SCYL2: variants seen among roughly 807,000 people sequenced by gnomAD.
SCYL2 encodes the protein SCY1 like pseudokinase 2.
A neutral mutation model predicts 100.4 loss-of-function variants in SCYL2; 36 were observed. The ratio of observed to expected loss-of-function variants is 0.36; its 90% CI spans 0.27 to 0.47. The LOEUF is 0.47. Among genes scored for constraint, SCYL2 ranks in the 20% least tolerant of loss-of-function variants. The pLI, the probability that SCYL2 is intolerant of heterozygous loss-of-function variation, is 1.00. For missense variants in SCYL2, 902 were observed against 1,083.9 expected (o/e 0.83, Z 2.36); for synonymous variants, 330 against 359.2 (o/e 0.92, Z 0.92).
At position 100,278,753 on chromosome 12, in the gene SCYL2, C is replaced by T. The variant is rs1012078281; in HGVS notation, c.-28-4190C>T. Among the ~76,000 whole-genome samples, 15 of 151,838 alleles carry T rather than the reference C, an allele frequency of 9.9e-5. No individual in the cohort carries two copies. The South Asian group carries it at 2.5e-3, about 25-fold the overall frequency. ...CAAGCAATTCTTCTGCCTCAGCCTC[C>T]TGAGTAGCTGGGACTACAGGCGCGT... is the stretch of plus-strand genomic sequence containing the variant. On this transcript the variant is annotated intron_variant, in intron 1 of 17. Transcript: ENST00000360820.
chr12:100,280,878 A>C (rs2096297307), intron 1 of SCYL2, among the ~76,000 whole-genome samples: 2 of 152,252 alleles, frequency 1.3e-5, no homozygotes, highest in South Asian at 4.1e-4. Flanking sequence ...ACTACTGATC[A>C]TTATGCTTAT....
At chr12:100,338,312 C>T (rs1211375668) in intron 17 of SCYL2, among the ~76,000 whole-genome samples, 1 of 151,994 alleles carries the variant, frequency 6.6e-6, no homozygotes, top group East Asian at 1.9e-4. Context: ...AGTTAGTGTT[C>T]CCTATCATCA....
At chr12:100,329,527 T>C (rs993898560) in intron 13 of SCYL2, among the ~76,000 whole-genome samples, 5 of 152,234 alleles carry the variant, frequency 3.3e-5, no homozygotes, top group African/African-American at 9.6e-5. Flanking sequence ...TTGAGAAATA[T>C]GTAGGATTTG....
At position 100,338,636 on chromosome 12, in the gene SCYL2, A is replaced by C. The variant is rs762337723; in HGVS notation, c.2254A>C (p.Met752Leu). 10 of 1,614,064 alleles carry C rather than the reference A, an allele frequency of 6.2e-6. No individual in the cohort carries two copies. The highest frequency in any genetic ancestry group is 8.5e-6 in the Non-Finnish European group (10 of 1,179,978). Residue 752 changes from methionine (M) to leucine (L), a missense_variant, in exon 18 of 18, where the codon ATG (methionine) becomes CTG (leucine). By Grantham distance (15) the Met-to-Leu change is conservative. Coordinates refer to ENST00000360820, the MANE Select transcript of SCYL2 (RefSeq NM_017988.6). ...AAGTACTTTCACTTCTGTTCCTTCC[A>C]TGGGCATTGGTATGATGTTTTCTAC... The part of the protein sequence containing the change: ...ASSTFTSVPS[M>L]GIGMMFSTPT...
At chr12:100,296,005 G>A (rs910371884) in intron 3 of SCYL2, among the ~76,000 whole-genome samples, 1 of 152,176 alleles carries the variant, frequency 6.6e-6, no homozygotes, top group African/African-American at 2.4e-5. Flanking sequence ...AATGAATGCT[G>A]CAGAATTACA....
intron 12 of SCYL2, 151 bp from the exon 13 acceptor site, chr12:100,329,050 C>T (rs1178641421): frequency 3.8e-6 from 2 of 524,534 alleles, no homozygotes; most frequent in East Asian, 5.8e-5. Context: ...CATTCTGATT[C>T]ATATGTAAGA....
chr12:100,319,845 C>A (rs1041500971), intron 10 of SCYL2, among the ~76,000 whole-genome samples: 2 of 152,202 alleles, frequency 1.3e-5, no homozygotes, highest in African/African-American at 4.8e-5. Context: ...CTAGAGAAAG[C>A]AAGAAATAAG....
At chr12:100,297,139 G>A (rs191458705) in intron 3 of SCYL2, among the ~76,000 whole-genome samples, 2 of 152,178 alleles carry the variant, frequency 1.3e-5, no homozygotes, top group African/African-American at 4.8e-5. Flanking sequence ...TTAGGGCTTG[G>A]GTGGCAAATG....
intron 6 of SCYL2, among the ~76,000 whole-genome samples, 168 bp from the exon 7 acceptor site, chr12:100,313,254 G>T (rs2096344362): frequency 6.6e-6 from 1 of 152,146 alleles, no homozygotes; most frequent in African/African-American, 2.4e-5. Flanking sequence ...ACAATTTTGG[G>T]TATTAAAGAT....
chr12:100,280,096 T>A (rs908463690), intron 1 of SCYL2, among the ~76,000 whole-genome samples: 2 of 152,212 alleles, frequency 1.3e-5, no homozygotes, highest in African/African-American at 4.8e-5. Context: ...TTCTCTTTCT[T>A]ACTGGGGTCA....
intron 3 of SCYL2, among the ~76,000 whole-genome samples, chr12:100,295,186 CG>C (rs1187781926): frequency 6.7e-6 from 1 of 150,182 alleles, no homozygotes; most frequent in Admixed American, 6.6e-5. Flanking sequence ...GGATGGCGGC[CG>C]GACGGAGACG....
In SCYL2 at chr12:100,341,094, TG is replaced by T. The variant is rs1300889215; in HGVS notation, c.*1923del. ...CTACTAAATATGAAAATAAGTCATT[TG>T]AAAAAAATACAGTATGTAAAATTTG... is the stretch of plus-strand genomic sequence containing the variant. On this transcript the variant is annotated 3_prime_UTR_variant, in exon 18 of 18. Coordinates refer to ENST00000360820, the MANE Select transcript of SCYL2 (RefSeq NM_017988.6). The T allele has an allele frequency of 1.3e-5, 2 of 152,140 alleles. No individual in the cohort carries two copies. The highest frequency in any genetic ancestry group is 4.8e-5 in the African/African-American group (2 of 41,460). The allele number at this position is 152,140 out of a possible 1,614,324, so 9.4% of individuals were successfully genotyped here.
rs1381806112 is a variant in SCYL2, at chr12:100,267,631, C to A, written c.-190C>A. On this transcript the variant is annotated 5_prime_UTR_variant, in exon 1 of 18. Transcript: ENST00000360820. ...GAGCAGCGAGCTCCGGGGAGCGGAT[C>A]CGAGAGGGCCGAGTCCTCGAAAGAG... The A allele has an allele frequency of 1.3e-5, 2 of 152,290 alleles. No individual in the cohort carries two copies. The highest frequency in any genetic ancestry group is 4.8e-5 in the African/African-American group (2 of 41,448). The allele number at this position is 152,290 out of a possible 1,614,324, so 9.4% of individuals were successfully genotyped here. A position where few individuals can be genotyped will look rare whatever the true frequency, so the allele number is the denominator to read the frequency against.
intron 1 of SCYL2, among the ~76,000 whole-genome samples, chr12:100,278,912 G>A (rs2135815359): frequency 6.6e-6 from 1 of 152,268 alleles, no homozygotes; most frequent in South Asian, 2.1e-4. Context: ...ACAGGCGTGA[G>A]CCACCGCGCC....
intron 16 of SCYL2, among the ~76,000 whole-genome samples, chr12:100,336,810 G>T (rs1212360272): frequency 6.6e-6 from 1 of 152,076 alleles, no homozygotes; most frequent in African/African-American, 2.4e-5. Context: ...AAGTCAGTTT[G>T]TGACTTCTGC....
chr12:100,313,665 G>C (rs1020583727), intron 7 of SCYL2, 127 bp downstream of exon 7: 2 of 588,446 alleles, frequency 3.4e-6, no homozygotes, highest in African/African-American at 3.8e-5. Context: ...TTCTTCTAAA[G>C]CAACAGTCAG....
chr12:100,324,766 G>C lies in SCYL2; in HGVS notation c.1509+1128G>C, dbSNP rs191194623. On this transcript the variant is annotated intron_variant, in intron 11 of 17. Coordinates refer to ENST00000360820, the MANE Select transcript of SCYL2 (RefSeq NM_017988.6). Reference sequence around the variant, plus strand: ...CTCTGAGTCTTCACTATCATTAAAAGTAGCTGTTTTCTCTAAAATTCTCAA... The same window carrying C: ...CTCTGAGTCTTCACTATCATTAAAACTAGCTGTTTTCTCTAAAATTCTCAA... Among the ~76,000 whole-genome samples, 763 of 152,258 alleles carry C rather than the reference G, an allele frequency of 5.0e-3. 12 individuals carry two copies. The highest frequency in any genetic ancestry group is 0.017 in the African/African-American group (724 of 41,556).
intron 13 of SCYL2, among the ~76,000 whole-genome samples, chr12:100,329,820 AC>A (rs542532177): frequency 1.6e-3 from 244 of 152,282 alleles, no homozygotes; most frequent in African/African-American, 5.5e-3. Context: ...AAGCGCACTT[AC>A]GTGGTTGTTG....
intron 16 of SCYL2, 124 bp from the exon 17 acceptor site, chr12:100,337,263 A>G: frequency 8.3e-7 from 1 of 1,204,106 alleles, no homozygotes; most frequent in Non-Finnish European, 1.2e-6. Context: ...GACAATCACC[A>G]AGACAAGAGT....
Sources: allele counts gnomAD v4.1 joint callset (sites outside exome capture counted in the v4.1 genomes callset), GRCh38; gene constraint gnomAD v4.1.1; transcripts MANE v1.5; gene names NCBI Gene and HGNC (gene_info 2026-07-23, HGNC 2026-07-21).